DGKB: variants seen among roughly 807,000 people sequenced by gnomAD.
DGKB encodes the protein diacylglycerol kinase beta, also known as 90 kDa diacylglycerol kinase.
DGKB carries 67 observed loss-of-function variants against 114.3 expected under a neutral mutation model. The observed-to-expected ratio is 0.59, with a 90% CI of 0.48 to 0.72. DGKB has a LOEUF of 0.72. Among genes scored for constraint, DGKB ranks in the 30% least tolerant of loss-of-function variants. The probability of loss-of-function intolerance (pLI) is 0.00; values close to 1 mark genes in which losing one functional copy is unlikely to be tolerated. For missense variants in DGKB, 907 were observed against 975.2 expected (o/e 0.93, Z 0.93); for synonymous variants, 398 against 323.1 (o/e 1.23, Z -2.49).
intron 21 of DGKB, among the ~76,000 whole-genome samples, chr7:14,396,985 T>A (rs1210066900): frequency 1.3e-5 from 2 of 152,124 alleles, no homozygotes; most frequent in Non-Finnish European, 2.9e-5. Flanking sequence ...AATTATGTTA[T>A]ATGGAAATAT....
intron 3 of DGKB, among the ~76,000 whole-genome samples, chr7:14,755,109 G>C (rs549215962): frequency 6.6e-6 from 1 of 151,986 alleles, no homozygotes; most frequent in African/African-American, 2.4e-5. Context: ...CCTTTGAATG[G>C]TTTTTATTCC....
chr7:14,392,600 C>T (rs1821486850), intron 21 of DGKB, among the ~76,000 whole-genome samples: 1 of 152,058 alleles, frequency 6.6e-6, no homozygotes, highest in Non-Finnish European at 1.5e-5. Context: ...ATGTGTGTCC[C>T]TGGGGTCTTA....
At chr7:14,595,632 T>C (rs117728549) in intron 17 of DGKB, among the ~76,000 whole-genome samples, 2,930 of 151,176 alleles carry the variant, frequency 0.019, 47 homozygotes, top group Non-Finnish European at 0.028. Context: ...TTATCTATAA[T>C]AAAAAATCAC....
At chr7:14,738,811 G>T (rs1832120597) in intron 4 of DGKB, among the ~76,000 whole-genome samples, 1 of 152,204 alleles carries the variant, frequency 6.6e-6, no homozygotes, top group South Asian at 2.1e-4. Flanking sequence ...AGAAATTGGT[G>T]AAAGTTTTTC....
chr7:14,624,957 C>T (rs886493221), intron 14 of DGKB, among the ~76,000 whole-genome samples: 1 of 151,922 alleles, frequency 6.6e-6, no homozygotes, highest in South Asian at 2.1e-4. Flanking sequence ...AAGATTGTAC[C>T]ACTGAACTCC....
At chr7:14,789,419 T>G (rs1278954702) in intron 2 of DGKB, among the ~76,000 whole-genome samples, 1 of 152,188 alleles carries the variant, frequency 6.6e-6, no homozygotes, top group East Asian at 1.9e-4. Flanking sequence ...CATTTATTAT[T>G]GATCCATCCA....
At chr7:14,934,734 G>A (rs147615969) in intron 1 of DGKB, among the ~76,000 whole-genome samples, 1 of 152,112 alleles carries the variant, frequency 6.6e-6, no homozygotes, top group African/African-American at 2.4e-5. Flanking sequence ...AATTAATACT[G>A]AAGCAGGTGA....
intron 23 of DGKB, among the ~76,000 whole-genome samples, chr7:14,281,126 C>T (rs1298566699): frequency 6.7e-6 from 1 of 148,386 alleles, no homozygotes; most frequent in Non-Finnish European, 1.5e-5. Flanking sequence ...ATCTCATGTG[C>T]AGAGACACAC....
At chr7:14,572,556 G>A (rs192851040) in intron 20 of DGKB, among the ~76,000 whole-genome samples, 1 of 151,896 alleles carries the variant, frequency 6.6e-6, no homozygotes, top group Non-Finnish European at 1.5e-5. Flanking sequence ...AAAGAACCAA[G>A]TAGAAATTCT....
chr7:14,541,231 T>C (rs565817693), intron 20 of DGKB, among the ~76,000 whole-genome samples: 78 of 152,232 alleles, frequency 5.1e-4, no homozygotes, highest in Middle Eastern at 3.4e-3. Context: ...ATTATGGTTA[T>C]ACAAATGATG....
intron 2 of DGKB, among the ~76,000 whole-genome samples, chr7:14,819,541 G>A (rs1844622885): frequency 6.6e-6 from 1 of 152,076 alleles, no homozygotes; most frequent in Non-Finnish European, 1.5e-5. Context: ...AGTGAGCTGA[G>A]ATCACACCAC....
chr7:14,188,449 AG>A (rs1783782272), intron 23 of DGKB, among the ~76,000 whole-genome samples: 1 of 147,892 alleles, frequency 6.8e-6, no homozygotes, highest in South Asian at 2.1e-4. Flanking sequence ...TCACGAGGTC[AG>A]GAGATCGAGA....
intron 13 of DGKB, among the ~76,000 whole-genome samples, chr7:14,630,503 C>T (rs1809482362): frequency 6.6e-6 from 1 of 152,052 alleles, no homozygotes; most frequent in Non-Finnish European, 1.5e-5. Context: ...CAAAACACAA[C>T]TTCATCTACC....
chr7:14,947,868 C>T (rs1785968323), intron 1 of DGKB, among the ~76,000 whole-genome samples: 1 of 151,660 alleles, frequency 6.6e-6, no homozygotes, highest in African/African-American at 2.4e-5. Context: ...CTTACTTATT[C>T]TTATTCTTTC....
chr7:14,165,323 T>C (rs1784461496), intron 25 of DGKB, among the ~76,000 whole-genome samples: 1 of 152,186 alleles, frequency 6.6e-6, no homozygotes, highest in Non-Finnish European at 1.5e-5. Context: ...TGAGATTCTG[T>C]AATAAAAGAG....
In DGKB at chr7:14,866,981, T is replaced by C. The variant is rs562526247; in HGVS notation, c.-187-25531A>G. 1.7e-4 allele frequency among the ~76,000 whole-genome samples: 26 copies of C among 152,338 alleles called. No individual in the cohort carries two copies. The South Asian group carries it at 5.2e-3, about 30-fold the overall frequency. ...TAATTTGCATTTCACTGATTACATA[T>C]GAGGTAGAACATCTTTTCACATGCT... On this transcript the variant is annotated intron_variant, in intron 1 of 25. Coordinates refer to ENST00000402815, the MANE Select transcript of DGKB (RefSeq NM_001350709.2).
intron 21 of DGKB, among the ~76,000 whole-genome samples, chr7:14,451,338 A>C (rs1425991878): frequency 6.6e-6 from 1 of 151,934 alleles, no homozygotes; most frequent in Admixed American, 6.6e-5. Flanking sequence ...TCTCTGACTG[A>C]TACATTTAAG....
intron 1 of DGKB, among the ~76,000 whole-genome samples, chr7:14,858,844 T>G (rs956946984): frequency 4.6e-5 from 7 of 152,206 alleles, no homozygotes; most frequent in African/African-American, 1.7e-4. Flanking sequence ...AAACATTTAT[T>G]GAGTGACAAG....
intron 1 of DGKB, among the ~76,000 whole-genome samples, chr7:14,878,518 G>T (rs1853660112): frequency 1.3e-5 from 2 of 152,060 alleles, no homozygotes; most frequent in South Asian, 4.2e-4. Context: ...GGCTGAGGCA[G>T]GTGGATCACA....
Sources: allele counts gnomAD v4.1 joint callset (sites outside exome capture counted in the v4.1 genomes callset), GRCh38; gene constraint gnomAD v4.1.1; transcripts MANE v1.5; gene names NCBI Gene and HGNC (gene_info 2026-07-23, HGNC 2026-07-21).